SON: variants seen among roughly 807,000 people sequenced by gnomAD.
The protein encoded by SON is SON DNA and RNA binding protein.
SON carries 4 observed loss-of-function variants against 173.3 expected under a neutral mutation model. The ratio of observed to expected loss-of-function variants is 0.02; its 90% CI spans 0.01 to 0.05. The LOEUF (loss-of-function observed/expected upper bound fraction) is 0.05, where lower values mean the gene tolerates loss of function less well. SON is among the 10% of genes least tolerant of loss of function. The probability of loss-of-function intolerance (pLI) is 1.00; values close to 1 mark genes in which losing one functional copy is unlikely to be tolerated. For missense variants in SON, 2,626 were observed against 3,055.3 expected, an observed-to-expected ratio of 0.86 and a Z score of 3.31; for synonymous variants, 1,190 against 1,105.9, an observed-to-expected ratio of 1.08 and a Z score of -1.51.
At chr21:33,544,202 A>T (rs567810522) in intron 1 of SON, among the ~76,000 whole-genome samples, 1 of 152,200 alleles carries the variant, frequency 6.6e-6, no homozygotes, top group Non-Finnish European at 1.5e-5. Context: ...CCAAAGTAAT[A>T]CAGGATTATT....
At chr21:33,568,781 CTTA>C (rs1054201765) in intron 7 of SON, among the ~76,000 whole-genome samples, 187 bp from the exon 8 acceptor site, 5 of 152,164 alleles carry the variant, frequency 3.3e-5, no homozygotes, top group African/African-American at 4.8e-5. Context: ...ATTTCAAAAT[CTTA>C]TTAATGGGAT....
Position 33,549,991 on chromosome 21 carries a change from A to G in SON, c.760A>G (p.Thr254Ala), listed in dbSNP as rs781300939. 3 of 1,614,114 alleles carry G rather than the reference A, an allele frequency of 1.9e-6. No individual in the cohort carries two copies. Among genetic ancestry groups the G allele is most frequent in the South Asian group, 1.1e-5 (1 of 91,086 alleles). ...SFAAAPVPTT[T>A]LVLKSSEPVV... is the part of the protein sequence containing the mutation. Reference sequence around the variant, plus strand: ...TGCAGCAGCACCAGTGCCTACTACAACACTGGTGTTGAAGTCATCTGAGCC... The same window carrying G: ...TGCAGCAGCACCAGTGCCTACTACAGCACTGGTGTTGAAGTCATCTGAGCC... Residue 254 changes from threonine to alanine, a missense_variant, in exon 3 of 12, where the codon ACA (threonine) becomes GCA (alanine). Physicochemically the swap from Thr to Ala is moderately conservative, Grantham distance 58 (BLOSUM62 0). Transcript: ENST00000356577.
intron 1 of SON, 151 bp downstream of exon 1, chr21:33,543,320 C>A (rs946173973): frequency 5.2e-5 from 35 of 668,168 alleles, no homozygotes; most frequent in East Asian, 8.2e-5. Flanking sequence ...CGGGCCCCCC[C>A]CAACCGCCCC....
chr21:33,549,897 CTCAGAGCAG>C lies in SON; in HGVS notation c.678_686del (p.Glu227_Ser229del), dbSNP rs758767051. Reference sequence around the variant, plus strand: ...TGTCAGTTGTATCTACATCAGTAATCTCAGAGCAGTCAGAGCAGTCTGTGGCAGTAATGC... The same window carrying C: ...TGTCAGTTGTATCTACATCAGTAATCTCAGAGCAGTCTGTGGCAGTAATGC... On this transcript the variant is annotated inframe_deletion, in exon 3 of 12. Coordinates refer to ENST00000356577, the MANE Select transcript of SON (RefSeq NM_138927.4). The C allele has an allele frequency of 4.2e-5, 68 of 1,614,124 alleles. No individual in the cohort carries two copies. The highest frequency in any genetic ancestry group is 1.7e-4 in the Admixed American group (10 of 60,016).
intron 1 of SON, 72 bp from the exon 2 acceptor site, chr21:33,546,141 T>C (rs905096413): frequency 1.5e-6 from 2 of 1,300,114 alleles, no homozygotes; most frequent in Non-Finnish European, 2.1e-6. Context: ...ATATGATTAT[T>C]GTAATTAATT....
intron 3 of SON, among the ~76,000 whole-genome samples, chr21:33,556,741 G>C (rs1318491672): frequency 6.6e-6 from 1 of 150,562 alleles, no homozygotes; most frequent in Non-Finnish European, 1.5e-5. Context: ...GGTGGCACTT[G>C]AACTGGGGCT....
intron 1 of SON, 87 bp downstream of exon 1, chr21:33,543,256 C>A: frequency 2.3e-6 from 3 of 1,289,200 alleles, no homozygotes; most frequent in South Asian, 2.4e-5. Context: ...GAGACGCAGT[C>A]GTTCCCCGGC....
rs1329119556 is a variant in SON at position 33,575,975 on chromosome 21, T to C, written c.7221+82T>C. The C allele has an allele frequency of 5.7e-6, 4 of 701,670 alleles. No individual in the cohort carries two copies. The African/African-American group carries it at 7.2e-5, about 13-fold the overall frequency. The allele number at this position is 701,670 out of a possible 1,614,324, so 43.5% of individuals were successfully genotyped here. ...GTGAGGGGTAAACATGATCACAGGA[T>C]TAAGATTCTGTTCATGGGTGGGGGG... On this transcript the variant is annotated intron_variant, in intron 11 of 11. Coordinates refer to ENST00000356577, the MANE Select transcript of SON (RefSeq NM_138927.4).
chr21:33,543,553 G>C (rs1285831510), intron 1 of SON: 3 of 257,780 alleles, frequency 1.2e-5, no homozygotes, highest in Non-Finnish European at 2.3e-5. Context: ...TCGCCTCCGC[G>C]GATTTTGCCG....
chr21:33,569,197 T>A, intron 8 of SON, 110 bp downstream of exon 8: 2 of 652,214 alleles, frequency 3.1e-6, no homozygotes, highest in Non-Finnish European at 5.5e-6. Context: ...AAGTTCCAAG[T>A]AAATTTGCTA....
At position 33,552,778 on chromosome 21, in the gene SON, C is replaced by G. The variant is rs2085837694; in HGVS notation, c.3547C>G (p.Pro1183Ala). 6.2e-7 allele frequency: 1 copy of G among 1,613,718 alleles called. No individual in the cohort carries two copies. Among genetic ancestry groups the G allele is most frequent in the African/African-American group, 1.3e-5 (1 of 74,908 alleles). Residue 1183 changes from proline (P) to alanine (A), a missense_variant, in exon 3 of 12, where the codon CCC (proline) becomes GCC (alanine). Pro to Ala is a conservative substitution (Grantham distance 27). Coordinates refer to ENST00000356577, the MANE Select transcript of SON (RefSeq NM_138927.4). This position sits in a 1 kb window ranked among gnomAD's most constrained non-coding sequence, Gnocchi z 5.6. ...PEEPPEGPAL[P>A]TEQSALTAEN... ...GGAACCACCAGAGGGTCCAGCATTG[C>G]CCACTGAGCAGTCAGCATTAACAGC... is the stretch of plus-strand genomic sequence containing the variant.
intron 8 of SON, among the ~76,000 whole-genome samples, chr21:33,571,084 G>A (rs1169268197): frequency 1.3e-5 from 2 of 151,826 alleles, no homozygotes; most frequent in Non-Finnish European, 2.9e-5. Flanking sequence ...GATATACTTT[G>A]GGAAGCAAAT....
chr21:33,564,293 G>A (rs1465757263), intron 6 of SON, among the ~76,000 whole-genome samples: 4 of 152,156 alleles, frequency 2.6e-5, no homozygotes, highest in Admixed American at 6.5e-5. Flanking sequence ...CATTTCAAGT[G>A]CTCAGTAGTG....
In SON at chr21:33,551,319, G is replaced by A. The variant is rs578078467; in HGVS notation, c.2088G>A (p.Val696=). ...CACAGGAGCTGCCTACTACATTAGT[G>A]GGGGAGACTTCTGTAACAGTAGGAG... ...TVAQELPTTL[V]GETSVTVGVD... The change falls in exon 3 of 12, where the codon GTG becomes GTA. Residue 696 remains valine (V), a synonymous_variant. Coordinates refer to ENST00000356577, the MANE Select transcript of SON (RefSeq NM_138927.4). 13 of 1,614,108 alleles carry A rather than the reference G, an allele frequency of 8.1e-6. No homozygotes were observed. The East Asian group carries it at 2.5e-4, about 30-fold the overall frequency.
chr21:33,556,928 A>T (rs1049142225), intron 3 of SON, among the ~76,000 whole-genome samples: 4 of 151,722 alleles, frequency 2.6e-5, no homozygotes, highest in Non-Finnish European at 4.4e-5. Context: ...AATTCCCTGA[A>T]TGAGGCCACT....
chr21:33,543,891 C>CA (rs1411169248), intron 1 of SON, among the ~76,000 whole-genome samples: 2 of 152,222 alleles, frequency 1.3e-5, no homozygotes, highest in Non-Finnish European at 2.9e-5. Context: ...CCCCAGTTGA[C>CA]ACGCTATTTT....
intron 8 of SON, chr21:33,572,650 G>GT (rs1345213554): frequency 3.2e-6 from 4 of 1,259,136 alleles, no homozygotes; most frequent in South Asian, 1.3e-5. Context: ...CATTTAAGGA[G>GT]TTTTTTAAAA....
chr21:33,543,591 C>T (rs1302461202), intron 1 of SON: 2 of 237,396 alleles, frequency 8.4e-6, no homozygotes, highest in East Asian at 1.1e-4. Context: ...GAAAGGGTCT[C>T]TAACGGCCGT....
chr21:33,557,572 T>A, intron 4 of SON: 7 of 1,550,492 alleles, frequency 4.5e-6, no homozygotes, highest in Non-Finnish European at 6.1e-6. Flanking sequence ...GACTGAGGAG[T>A]GGGACGGTTC....
Sources: allele counts gnomAD v4.1 joint callset (sites outside exome capture counted in the v4.1 genomes callset), GRCh38; gene constraint gnomAD v4.1.1; non-coding constraint Gnocchi (gnomAD v3.1); transcripts MANE v1.5; gene names NCBI Gene and HGNC (gene_info 2026-07-23, HGNC 2026-07-21).